The following FRMD4B variants were observed in gnomAD, a reference collection of about 807,000 sequenced individuals.
FRMD4B encodes the protein FERM domain-containing protein 4B.
FRMD4B carries 74 observed loss-of-function variants against 141.5 expected under a neutral mutation model. That is an observed-to-expected ratio of 0.52 (90% CI 0.43 to 0.63). The LOEUF is 0.63. Ranked by LOEUF, FRMD4B falls within the 30% of genes least tolerant of loss-of-function variation. The pLI, the probability that FRMD4B is intolerant of heterozygous loss-of-function variation, is 0.00. For missense variants in FRMD4B, 1,366 were observed against 1,253.4 expected (o/e 1.09, Z -1.36); for synonymous variants, 506 against 467.9 (o/e 1.08, Z -1.05).
chr3:69,410,345 G>A (rs896254435), intron 2 of FRMD4B, among the ~76,000 whole-genome samples: 1 of 152,154 alleles, frequency 6.6e-6, no homozygotes, highest in Non-Finnish European at 1.5e-5. Context: ...GCAGGGGTAA[G>A]CGTGTGAATA....
intron 1 of FRMD4B, among the ~76,000 whole-genome samples, chr3:69,343,611 G>C (rs11720802): frequency 3.0e-5 from 4 of 135,344 alleles, no homozygotes; most frequent in African/African-American, 5.7e-5. Context: ...ACGGGGTCTC[G>C]CTCTGTCACC....
intron 2 of FRMD4B, among the ~76,000 whole-genome samples, chr3:69,312,763 G>A (rs1333992801): frequency 6.6e-6 from 1 of 152,120 alleles, no homozygotes; most frequent in Non-Finnish European, 1.5e-5. Flanking sequence ...CCCCGGCAAG[G>A]TGGTGGTGGC....
chr3:69,437,797 A>T (rs1705283512), intron 1 of FRMD4B, among the ~76,000 whole-genome samples: 1 of 126,332 alleles, frequency 7.9e-6, no homozygotes, highest in Non-Finnish European at 1.6e-5. Flanking sequence ...ATTTATATAT[A>T]TTTATATTTT....
At chr3:69,212,539 A>G (rs912955288) in intron 11 of FRMD4B, among the ~76,000 whole-genome samples, 2 of 152,132 alleles carry the variant, frequency 1.3e-5, no homozygotes, top group African/African-American at 4.8e-5. Context: ...CTCTGGAATG[A>G]ACAAGCAAAA....
In FRMD4B at chr3:69,313,434, CAT is replaced by C. The variant is rs1701673708; in HGVS notation, c.228+16_228+17del. 1.3e-6 allele frequency: 2 copies of C among 1,545,684 alleles called. No individual in the cohort carries two copies. Among genetic ancestry groups the C allele is most frequent in the East Asian group, 2.4e-5 (1 of 41,718 alleles). On this transcript the variant is annotated intron_variant, in intron 2 of 22. Transcript: ENST00000398540. ...GGGCAAGACTTATCTGGGCAACACA[CAT>C]GTGGGCCACACCTACCTGAACCAGC...
intron 11 of FRMD4B, among the ~76,000 whole-genome samples, chr3:69,208,183 C>G (rs1204437674): frequency 1.3e-5 from 2 of 152,256 alleles, no homozygotes; most frequent in East Asian, 3.9e-4. Flanking sequence ...CCTGCCTCAG[C>G]CTCCTGAGTA....
At chr3:69,284,913 G>A (rs1283896945) in intron 5 of FRMD4B, among the ~76,000 whole-genome samples, 1 of 152,218 alleles carries the variant, frequency 6.6e-6, no homozygotes, top group African/African-American at 2.4e-5. Context: ...GTAAATCCCA[G>A]CACTTTGGGA....
Position 69,196,363 on chromosome 3 carries a change from T to G in FRMD4B, c.1126A>C (p.Ile376Leu). The G allele has an allele frequency of 6.2e-7, 1 of 1,611,834 alleles. No individual in the cohort carries two copies. Among genetic ancestry groups the G allele is most frequent in the Non-Finnish European group, 8.5e-7 (1 of 1,179,110 alleles). ...CCTGTCTCTGTCAAATCCATTGCAA[T>G]CTCATCTAAACTCCTGGCTGAAGGA... Reference protein sequence around the residue: ...KIPSARSLDEIAMDLTETGTQ... With the variant: ...KIPSARSLDELAMDLTETGTQ... The change falls in exon 14 of 23, where the codon ATT becomes CTT. Residue 376 changes from isoleucine to leucine, a missense_variant. Ile to Leu is a conservative substitution (Grantham distance 5). Transcript: ENST00000398540.
At chr3:69,424,888 G>A (rs973545368) in intron 2 of FRMD4B, among the ~76,000 whole-genome samples, 5 of 152,176 alleles carry the variant, frequency 3.3e-5, no homozygotes, top group African/African-American at 1.2e-4. Context: ...TTATATAGAT[G>A]TAATATAGAA....
intron 1 of FRMD4B, among the ~76,000 whole-genome samples, chr3:69,345,662 T>A (rs1702911745): frequency 6.6e-6 from 1 of 152,176 alleles, no homozygotes; most frequent in Non-Finnish European, 1.5e-5. Flanking sequence ...GGCAGCAACA[T>A]TTGCTGTTGA....
intron 3 of FRMD4B, among the ~76,000 whole-genome samples, chr3:69,307,142 C>A (rs1435067685): frequency 6.6e-6 from 1 of 152,062 alleles, no homozygotes; most frequent in Non-Finnish European, 1.5e-5. Flanking sequence ...CCGTCACTTG[C>A]CGGGGAGTGC....
chr3:69,316,604 T>C (rs1039196524), intron 1 of FRMD4B, among the ~76,000 whole-genome samples: 2 of 151,976 alleles, frequency 1.3e-5, no homozygotes, highest in Non-Finnish European at 2.9e-5. Context: ...CAGAGGAGGA[T>C]ATAATTAAGA....
intron 9 of FRMD4B, among the ~76,000 whole-genome samples, chr3:69,218,990 C>T (rs530750029): frequency 3.4e-4 from 52 of 152,006 alleles, no homozygotes; most frequent in Admixed American, 5.2e-4. Context: ...TGCTGAAACC[C>T]CATCTCTACT....
intron 1 of FRMD4B, among the ~76,000 whole-genome samples, chr3:69,329,792 A>C (rs1702307399): frequency 6.6e-6 from 1 of 151,846 alleles, no homozygotes; most frequent in Admixed American, 6.6e-5. Context: ...TCAGCCTCCC[A>C]AAGTGCCGGG....
intron 7 of FRMD4B, among the ~76,000 whole-genome samples, chr3:69,233,375 T>A (rs2093323877): frequency 1.3e-5 from 2 of 151,716 alleles, no homozygotes; most frequent in African/African-American, 4.8e-5. Context: ...TCCCAGGTAC[T>A]TGGAAGGATG....
At chr3:69,507,797 G>T (rs1033486614) in intron 1 of FRMD4B, among the ~76,000 whole-genome samples, 1 of 152,030 alleles carries the variant, frequency 6.6e-6, no homozygotes. Flanking sequence ...AGAGTTTACA[G>T]AACTAAGCCC....
chr3:69,369,917 A>T (rs1026687119), intron 1 of FRMD4B, among the ~76,000 whole-genome samples: 8 of 152,204 alleles, frequency 5.3e-5, no homozygotes, highest in African/African-American at 1.7e-4. Flanking sequence ...ATGATGGCAG[A>T]TTCCGTCATT....
intron 1 of FRMD4B, among the ~76,000 whole-genome samples, chr3:69,524,180 A>C (rs890520237): frequency 1.3e-5 from 2 of 152,228 alleles, no homozygotes; most frequent in African/African-American, 4.8e-5. Flanking sequence ...CAGTATTATG[A>C]ATAATTAATA....
intron 12 of FRMD4B, among the ~76,000 whole-genome samples, chr3:69,197,305 G>C (rs2092918173): frequency 6.6e-6 from 1 of 152,098 alleles, no homozygotes; most frequent in Admixed American, 6.5e-5. Context: ...TCAAATTAGA[G>C]ATTATACAAA....
Sources: gnomAD v4.1 joint callset for allele counts (sites outside exome capture counted in the v4.1 genomes callset) on GRCh38, gnomAD v4.1.1 for gene constraint, MANE v1.5 for transcripts, NCBI Gene and HGNC (gene_info 2026-07-23, HGNC 2026-07-21) for gene names.